CCDC40: variants seen among roughly 807,000 people sequenced by gnomAD.
CCDC40 encodes coiled-coil domain 40 molecular ruler complex subunit.
In CCDC40, 104 loss-of-function variants were observed where a neutral mutation model predicts 124.5. That is an observed-to-expected ratio of 0.84 (90% confidence interval 0.71 to 0.98). CCDC40 has a LOEUF of 0.98. CCDC40 is among the 50% of genes least tolerant of loss of function. The pLI, the probability that CCDC40 is intolerant of heterozygous loss-of-function variation, is 0.00. For synonymous variants in CCDC40, 580 were observed against 602.9 expected, an observed-to-expected ratio of 0.96 and a Z score of 0.56; for missense variants, 1,463 against 1,503.9, an observed-to-expected ratio of 0.97 and a Z score of 0.45.
At chr17:80,052,039 G>A (rs1387454858) in intron 7 of CCDC40, among the ~76,000 whole-genome samples, 4 of 152,248 alleles carry the variant, frequency 2.6e-5, no homozygotes, top group South Asian at 2.1e-4. Context: ...CAACGGTCCC[G>A]GCCCTGACCG....
At chr17:80,061,190 A>G (rs1271873036) in intron 9 of CCDC40, among the ~76,000 whole-genome samples, 1 of 152,218 alleles carries the variant, frequency 6.6e-6, no homozygotes, top group African/African-American at 2.4e-5. Flanking sequence ...TACTGAAAAT[A>G]CAAAAATTAG....
intron 10 of CCDC40, among the ~76,000 whole-genome samples, chr17:80,080,240 C>T (rs959536104): frequency 4.0e-5 from 6 of 151,196 alleles, no homozygotes; most frequent in East Asian, 3.9e-4. Context: ...TTTAAAGTAC[C>T]GCAGAACATC....
intron 10 of CCDC40, chr17:80,067,501 A>G (rs2038075377): frequency 8.3e-7 from 1 of 1,198,604 alleles, no homozygotes; most frequent in Non-Finnish European, 1.2e-6. Context: ...TTTCCATTTA[A>G]CAGCGTGTCC....
intron 19 of CCDC40, 29 bp from the exon 20 acceptor site, chr17:80,099,498 C>T (rs768661286): frequency 1.2e-6 from 2 of 1,601,178 alleles, no homozygotes; most frequent in Non-Finnish European, 1.7e-6. Flanking sequence ...GTTTGCATAG[C>T]CCTATATGGA....
rs767828480 is a variant in CCDC40 at position 80,095,311 on chromosome 17, A to G, written c.2881A>G (p.Met961Val). The G allele has an allele frequency of 4.3e-6, 7 of 1,614,098 alleles. No individual in the cohort carries two copies. The highest frequency in any genetic ancestry group is 4.5e-5 in the East Asian group (2 of 44,892). The change falls in exon 18 of 20, where the codon ATG (methionine) becomes GTG (valine). Residue 961 changes from methionine (M) to valine (V), a missense_variant. Coordinates refer to ENST00000397545, the MANE Select transcript of CCDC40 (RefSeq NM_017950.4). ...LKQQEKMIRA[M>V]ELAVARRETV... Reference sequence around the variant, plus strand: ...GCAGCAGGAGAAGATGATCCGTGCCATGGAGTTGGCGGTTGCCCGCAGAGA... The same window carrying G: ...GCAGCAGGAGAAGATGATCCGTGCCGTGGAGTTGGCGGTTGCCCGCAGAGA...
chr17:80,041,787 T>C (rs1425616334), intron 3 of CCDC40, among the ~76,000 whole-genome samples: 1 of 152,142 alleles, frequency 6.6e-6, no homozygotes, highest in Non-Finnish European at 1.5e-5. Flanking sequence ...CATGAGGCTT[T>C]AGTGGGACTA....
At chr17:80,062,096 T>C (rs9904652) in intron 9 of CCDC40, among the ~76,000 whole-genome samples, 11,755 of 151,710 alleles carry the variant, frequency 0.077, 1,471 homozygotes, top group African/African-American at 0.27. Flanking sequence ...GGTGACAGAG[T>C]GAAACCCCCG....
intron 7 of CCDC40, among the ~76,000 whole-genome samples, chr17:80,057,058 A>G (rs1205037434): frequency 2.0e-5 from 3 of 149,238 alleles, no homozygotes; most frequent in Non-Finnish European, 4.4e-5. Flanking sequence ...AAAAAGAAGA[A>G]TAGCAAGTCC....
At chr17:80,095,851 G>A (rs527838861) in intron 18 of CCDC40, among the ~76,000 whole-genome samples, 1 of 152,360 alleles carries the variant, frequency 6.6e-6, no homozygotes, top group East Asian at 1.9e-4. Context: ...TAGAGTTCTG[G>A]GGAAGAGGCC....
At chr17:80,090,539 C>G in intron 17 of CCDC40, 3 of 1,517,568 alleles carry the variant, frequency 2.0e-6, no homozygotes, top group Non-Finnish European at 2.6e-6. Flanking sequence ...GTAATCACAG[C>G]ACGCTGGTAT....
chr17:80,068,720 A>G (rs1332446612), intron 10 of CCDC40, among the ~76,000 whole-genome samples: 1 of 152,130 alleles, frequency 6.6e-6, no homozygotes, highest in African/African-American at 2.4e-5. Flanking sequence ...TTGCCATCAC[A>G]CCGAGAAGGC....
rs148903292 is a variant in CCDC40, at chr17:80,040,843, A to G, written c.552+573A>G. On this transcript the variant is annotated intron_variant, in intron 3 of 19. Transcript: ENST00000397545. ...AGGGCATCCAAGTTCCCAGGCTTCC[A>G]GAGCAGCATTGTCCAATACGGTCCA... Among the ~76,000 whole-genome samples the G allele has an allele frequency of 2.3e-3, 347 of 152,306 alleles. 3 individuals are homozygous for G. Among genetic ancestry groups the G allele is most frequent in the African/African-American group, 8.1e-3 (337 of 41,580 alleles).
intron 1 of CCDC40, among the ~76,000 whole-genome samples, chr17:80,037,688 A>ATATAT (rs1555889124): frequency 0.025 from 1,143 of 45,640 alleles, 28 homozygotes; most frequent in East Asian, 0.064. Context: ...TTTTTTAAAA[A>ATATAT]AGATATACAT....
chr17:80,080,879 G>A (rs928595304), intron 10 of CCDC40, among the ~76,000 whole-genome samples: 3 of 152,090 alleles, frequency 2.0e-5, no homozygotes, highest in East Asian at 1.9e-4. Context: ...TACAGTTCAC[G>A]GTAAGTTAGT....
chr17:80,037,419 G>A (rs1218399771), intron 1 of CCDC40, among the ~76,000 whole-genome samples: 1 of 152,080 alleles, frequency 6.6e-6, no homozygotes, highest in East Asian at 1.9e-4. Context: ...AGGTGGGTCT[G>A]TATGTATTGA....
chr17:80,089,719 G>A (rs369749211), intron 16 of CCDC40, 45 bp from the exon 17 acceptor site: 282 of 1,612,234 alleles, frequency 1.7e-4, no homozygotes, highest in Non-Finnish European at 2.4e-4. Flanking sequence ...CGAAGCATCA[G>A]AAGAAAACTC....
In CCDC40 at chr17:80,085,625, C is replaced by T. The variant is rs529419066; in HGVS notation, c.2236-378C>T. Among the ~76,000 whole-genome samples the T allele has an allele frequency of 4.6e-5, 7 of 152,084 alleles. No homozygotes were observed. The South Asian group carries it at 1.0e-3, about 23-fold the overall frequency. ...CCTCAGGGTTCCAGGCCCTCTGCAGCCCACTCACAAAGACCTTTGAGCCCA... is the reference window on the plus strand; with the variant it reads ...CCTCAGGGTTCCAGGCCCTCTGCAGTCCACTCACAAAGACCTTTGAGCCCA... On this transcript the variant is annotated intron_variant, in intron 13 of 19. Transcript: ENST00000397545.
At chr17:80,073,357 G>A (rs1311435706) in intron 10 of CCDC40, among the ~76,000 whole-genome samples, 2 of 152,202 alleles carry the variant, frequency 1.3e-5, no homozygotes, top group East Asian at 1.9e-4. Context: ...CTCTCCAGCG[G>A]TGCGTGCTCA....
rs1308840662 is a variant in CCDC40 at position 80,048,722 on chromosome 17, A to C, written c.816A>C (p.Glu272Asp). ...VESEGSDEEA[E>D]DEGSQLVVLD... ...CCGAGGGGAGTGACGAGGAAGCAGA[A>C]GACGAAGGGTCCCAGCTGGTGGTTT... Residue 272 changes from glutamate (E) to aspartate (D), a missense_variant, in exon 5 of 20, where the codon GAA (glutamate) becomes GAC (aspartate). Transcript: ENST00000397545. The C allele has an allele frequency of 6.2e-7, 1 of 1,613,572 alleles. No individual in the cohort carries two copies. Among genetic ancestry groups the C allele is most frequent in the South Asian group, 1.1e-5 (1 of 90,954 alleles).
Sources: allele counts gnomAD v4.1 joint callset (sites outside exome capture counted in the v4.1 genomes callset), GRCh38; gene constraint gnomAD v4.1.1; transcripts MANE v1.5; gene names NCBI Gene and HGNC (gene_info 2026-07-23, HGNC 2026-07-21).